Variants in LARGE1 observed in about 807,000 individuals in gnomAD.
LARGE1 encodes the protein xylosyl- and glucuronyltransferase LARGE1.
A neutral mutation model predicts 87.6 loss-of-function variants in LARGE1; 43 were observed. The observed-to-expected ratio is 0.49, with a 90% confidence interval of 0.38 to 0.63. LARGE1 has a LOEUF of 0.63. Ranked by LOEUF, LARGE1 falls within the 30% of genes least tolerant of loss-of-function variation. The pLI is 0.00. For synonymous variants in LARGE1, 434 were observed against 394.6 expected (o/e 1.10, Z -1.18); for missense variants, 802 against 1,000.2 (o/e 0.80, Z 2.67).
At chr22:33,503,082 G>A (rs888760984) in intron 6 of LARGE1, among the ~76,000 whole-genome samples, 1 of 152,174 alleles carries the variant, frequency 6.6e-6, no homozygotes, top group South Asian at 2.1e-4. Context: ...TTTGTGCAAG[G>A]AGGTCCAAAA....
the LARGE1 span, among the ~76,000 whole-genome samples, chr22:33,124,395 A>AGGAAAG: frequency 6.8e-6 from 1 of 148,038 alleles, no homozygotes; most frequent in Non-Finnish European, 1.5e-5. Flanking sequence ...GGAGGAAGGA[A>AGGAAAG]AATGATGGCT....
the LARGE1 span, among the ~76,000 whole-genome samples, chr22:33,122,335 C>CT: frequency 1.3e-5 from 2 of 149,890 alleles, no homozygotes; most frequent in East Asian, 3.9e-4. Flanking sequence ...TATCTAGAGT[C>CT]TTTTTTTCTT....
At chr22:33,733,468 T>G (rs1440870749) in intron 2 of LARGE1, 1 of 152,194 alleles carries the variant, frequency 6.6e-6, no homozygotes, top group African/African-American at 2.4e-5. Context: ...CCAGAGTTAT[T>G]TACACTGGGA....
At chr22:33,419,638 C>G (rs1229882742) in intron 7 of LARGE1, among the ~76,000 whole-genome samples, 2 of 151,638 alleles carry the variant, frequency 1.3e-5, no homozygotes, top group Middle Eastern at 3.4e-3. Context: ...TAGGGTTCCA[C>G]TAGTGGTATT....
chr22:33,304,410 C>T lies in LARGE1; in HGVS notation c.1549G>A (p.Ala517Thr), dbSNP rs148771159. 13 of 1,614,108 alleles carry T rather than the reference C, an allele frequency of 8.1e-6. No individual in the cohort carries two copies. Among genetic ancestry groups the T allele is most frequent in the African/African-American group, 4.0e-5 (3 of 74,936 alleles). Residue 517 changes from alanine (A) to threonine (T), a missense_variant, in exon 12 of 15, where the codon GCA becomes ACA. Physicochemically the swap from Ala to Thr is moderately conservative, Grantham distance 58. Transcript: ENST00000397394. Reference protein sequence around the residue: ...DAEAQQFLRYAQGSEVLMSRH... With the variant: ...DAEAQQFLRYTQGSEVLMSRH... ...CTCATAAGCACCTCAGAGCCCTGTG[C>T]GTAGCGGAGGAACTGCTGGGCCTCG...
intron 2 of LARGE1, among the ~76,000 whole-genome samples, chr22:33,673,832 ACC>A: frequency 2.7e-5 from 2 of 73,816 alleles, no homozygotes; most frequent in Non-Finnish European, 5.6e-5. Context: ...GGGTTACACG[ACC>A]ACGCCCAGCT....
chr22:33,150,788 G>C, the LARGE1 span, among the ~76,000 whole-genome samples: 3 of 152,108 alleles, frequency 2.0e-5, no homozygotes, highest in Non-Finnish European at 4.4e-5. Context: ...TGGACCCTCT[G>C]TTCTATTTTA....
intron 4 of LARGE1, among the ~76,000 whole-genome samples, chr22:33,611,812 A>C (rs1421304161): frequency 6.6e-6 from 1 of 152,142 alleles, no homozygotes; most frequent in Non-Finnish European, 1.5e-5. Flanking sequence ...AGCCTGGTGG[A>C]AGATGTCTGG....
At chr22:33,188,212 T>C (rs1057197022) in intron 11 of LARGE1, among the ~76,000 whole-genome samples, 3 of 152,254 alleles carry the variant, frequency 2.0e-5, no homozygotes, top group South Asian at 2.1e-4. Context: ...ACCCATCCTA[T>C]GGTATTTTGT....
At chr22:33,900,805 G>A (rs1335898213) in intron 1 of LARGE1, among the ~76,000 whole-genome samples, 1 of 152,208 alleles carries the variant, frequency 6.6e-6, no homozygotes, top group East Asian at 1.9e-4. Context: ...CCAGCACTTT[G>A]GGAGGCCGAG....
At position 33,362,137 on chromosome 22, in the gene LARGE1, G is replaced by T. The variant is rs976634211; in HGVS notation, c.1131+19782C>A. On this transcript the variant is annotated intron_variant, in intron 9 of 14. Coordinates refer to ENST00000397394, the MANE Select transcript of LARGE1 (RefSeq NM_133642.5). ...AAAGTGATAAAAAGATGCTCCCTTG[G>T]GCCCTTCCCTTCTCTTTTTAATTTA... 1.1e-4 allele frequency among the ~76,000 whole-genome samples: 16 copies of T among 148,902 alleles called. 1 individual carries two copies. Among genetic ancestry groups the T allele is most frequent in the Non-Finnish European group, 1.9e-4 (13 of 66,850 alleles).
At chr22:33,697,549 CAA>C (rs3072289) in intron 2 of LARGE1, among the ~76,000 whole-genome samples, 5 of 54,092 alleles carry the variant, frequency 9.2e-5, no homozygotes, top group Non-Finnish European at 1.5e-4. Flanking sequence ...GACTCTGTCC[CAA>C]AAAAAAAAAA....
chr22:33,564,540 A>C (rs1282158393), intron 6 of LARGE1, among the ~76,000 whole-genome samples: 1 of 152,218 alleles, frequency 6.6e-6, no homozygotes, highest in Non-Finnish European at 1.5e-5. Context: ...ATAAAAAGAA[A>C]ACCAATGAAC....
At chr22:33,871,930 A>C (rs2064296381) in intron 1 of LARGE1, among the ~76,000 whole-genome samples, 1 of 150,984 alleles carries the variant, frequency 6.6e-6, no homozygotes, top group East Asian at 1.9e-4. Context: ...CATTAGTGTT[A>C]ATTGATCTAA....
intron 2 of LARGE1, among the ~76,000 whole-genome samples, chr22:33,665,449 C>T (rs1379688643): frequency 6.6e-6 from 1 of 152,134 alleles, no homozygotes; most frequent in Non-Finnish European, 1.5e-5. Flanking sequence ...GCAACTTTTG[C>T]AACAGTTCAG....
chr22:33,620,778 G>A (rs183775808), intron 4 of LARGE1, among the ~76,000 whole-genome samples: 2 of 152,214 alleles, frequency 1.3e-5, no homozygotes, highest in Admixed American at 1.3e-4. Flanking sequence ...TTAGCCGGGC[G>A]TGGTGGTGCA....
intron 9 of LARGE1, among the ~76,000 whole-genome samples, chr22:33,363,818 A>T (rs1033514149): frequency 2.0e-5 from 3 of 149,842 alleles, no homozygotes; most frequent in African/African-American, 4.9e-5. Flanking sequence ...CCAGAGAGTC[A>T]ATCTGATAAC....
chr22:33,593,161 T>C (rs552669210), intron 5 of LARGE1, among the ~76,000 whole-genome samples: 78 of 151,952 alleles, frequency 5.1e-4, no homozygotes, highest in African/African-American at 1.8e-3. Context: ...TTAAAATTTT[T>C]TTAAGTCTAT....
intron 9 of LARGE1, among the ~76,000 whole-genome samples, chr22:33,345,628 G>A (rs1056898080): frequency 6.6e-6 from 1 of 152,164 alleles, no homozygotes; most frequent in African/African-American, 2.4e-5. Context: ...GTGCCGACTT[G>A]GAGTCGGCCT....
Sources: gnomAD v4.1 joint callset for allele counts (sites outside exome capture counted in the v4.1 genomes callset) on GRCh38, gnomAD v4.1.1 for gene constraint, MANE v1.5 for transcripts, NCBI Gene and HGNC (gene_info 2026-07-23, HGNC 2026-07-21) for gene names.